CCSER1: variants seen among roughly 807,000 people sequenced by gnomAD.
CCSER1 encodes coiled-coil serine rich protein 1, also known as serine-rich coiled-coil domain-containing protein 1.
A neutral mutation model predicts 82.0 loss-of-function variants in CCSER1; 41 were observed. That is an observed-to-expected ratio of 0.50 (90% CI 0.39 to 0.65). The LOEUF is 0.65. Among genes scored for constraint, CCSER1 ranks in the 30% least tolerant of loss-of-function variants. CCSER1 has a pLI of 0.00. For missense variants in CCSER1, 1,119 were observed against 1,064.2 expected (o/e 1.05, Z -0.72); for synonymous variants, 414 against 383.9 (o/e 1.08, Z -0.92).
chr4:90,282,883 T>C lies in CCSER1; in HGVS notation c.-41-25361T>C, dbSNP rs896553197. Among the ~76,000 whole-genome samples the C allele has an allele frequency of 2.6e-5, 4 of 151,992 alleles. No homozygotes were observed. In the East Asian group the frequency reaches 7.7e-4, roughly 29 times the overall value. On this transcript the variant is annotated intron_variant, in intron 1 of 10. Transcript: ENST00000509176. The stretch of plus-strand genomic sequence containing the variant: ...TCTGTTCAATCTACTCTTAGATCCG[T>C]TTGATGCTGATGAGAGTTTTCTATC...
chr4:91,363,213 A>G (rs1024647010), intron 10 of CCSER1, among the ~76,000 whole-genome samples: 2 of 151,876 alleles, frequency 1.3e-5, no homozygotes, highest in South Asian at 2.1e-4. Context: ...TTCTAGCGTA[A>G]TGCTTTTGAG....
intron 5 of CCSER1, among the ~76,000 whole-genome samples, chr4:90,625,096 G>A (rs927464172): frequency 6.6e-6 from 1 of 152,152 alleles, no homozygotes; most frequent in Non-Finnish European, 1.5e-5. Flanking sequence ...GGCAGACAGA[G>A]TTATATATCC....
intron 10 of CCSER1, among the ~76,000 whole-genome samples, chr4:91,476,506 A>G (rs572412132): frequency 1.3e-5 from 2 of 151,874 alleles, no homozygotes; most frequent in African/African-American, 4.8e-5. Context: ...TCCCTACAAA[A>G]ATACCAATGA....
intron 10 of CCSER1, among the ~76,000 whole-genome samples, chr4:91,358,817 G>A (rs181903950): frequency 9.1e-4 from 138 of 152,172 alleles, no homozygotes; most frequent in African/African-American, 2.0e-3. Context: ...TTTCCTACCC[G>A]GGAGCGCTCT....
At chr4:91,488,724 T>A (rs1269739772) in intron 10 of CCSER1, among the ~76,000 whole-genome samples, 1 of 152,202 alleles carries the variant, frequency 6.6e-6, no homozygotes, top group Non-Finnish European at 1.5e-5. Flanking sequence ...ATGCTTCCTA[T>A]ACAGGCTGCA....
rs765599682 is a variant in CCSER1 at position 90,688,843 on chromosome 4, C to T, written c.1933-35071C>T. 9.9e-5 allele frequency among the ~76,000 whole-genome samples: 15 copies of T among 151,940 alleles called. 1 individual carries two copies. Among genetic ancestry groups the T allele is most frequent in the Admixed American group, 2.0e-4 (3 of 15,226 alleles). ...AAAAATCAATGGTGCTTTCAGATTC[C>T]GAGGCATCTCAGTATAAATACATAT... On this transcript the variant is annotated intron_variant, in intron 6 of 10. Coordinates refer to ENST00000509176, the MANE Select transcript of CCSER1 (RefSeq NM_001145065.2).
chr4:90,193,644 C>G (rs190371794), intron 1 of CCSER1, among the ~76,000 whole-genome samples: 1 of 151,608 alleles, frequency 6.6e-6, no homozygotes, highest in Admixed American at 6.6e-5. Flanking sequence ...GAGAAAGCCA[C>G]TTAACATTAT....
intron 10 of CCSER1, among the ~76,000 whole-genome samples, chr4:91,342,446 A>G (rs1747784785): frequency 6.6e-6 from 1 of 152,188 alleles, no homozygotes; most frequent in South Asian, 2.1e-4. Context: ...AGTCACAAAA[A>G]TATAAGGATT....
At chr4:91,284,682 T>C (rs1743142810) in intron 10 of CCSER1, among the ~76,000 whole-genome samples, 1 of 152,114 alleles carries the variant, frequency 6.6e-6, no homozygotes, top group South Asian at 2.1e-4. Flanking sequence ...TCATGGTTGT[T>C]TACCTCCATT....
intron 9 of CCSER1, among the ~76,000 whole-genome samples, chr4:91,031,923 A>C (rs1383588807): frequency 1.3e-5 from 2 of 152,042 alleles, no homozygotes; most frequent in Non-Finnish European, 1.5e-5. Flanking sequence ...TTTTTTCCTA[A>C]TATTTCCTAA....
At chr4:90,573,000 C>A (rs191259679) in intron 5 of CCSER1, among the ~76,000 whole-genome samples, 1 of 152,228 alleles carries the variant, frequency 6.6e-6, no homozygotes, top group Non-Finnish European at 1.5e-5. Context: ...ATATGTGGCA[C>A]TAGGGTGCAT....
chr4:91,232,853 A>T (rs1202738435), intron 10 of CCSER1, among the ~76,000 whole-genome samples: 3 of 151,814 alleles, frequency 2.0e-5, no homozygotes, highest in Non-Finnish European at 4.4e-5. Context: ...ATTGAGGTAA[A>T]ACTCTATTAC....
At chr4:90,353,916 T>C (rs1360575965) in intron 3 of CCSER1, among the ~76,000 whole-genome samples, 3 of 152,186 alleles carry the variant, frequency 2.0e-5, no homozygotes, top group East Asian at 1.9e-4. Flanking sequence ...TATGATCCAG[T>C]AATCCCTACT....
intron 10 of CCSER1, among the ~76,000 whole-genome samples, chr4:91,471,838 C>T (rs1321619324): frequency 6.6e-6 from 1 of 151,396 alleles, no homozygotes; most frequent in Non-Finnish European, 1.5e-5. Context: ...GGCATAGTGG[C>T]GGGCGCCTGT....
At chr4:91,020,661 C>CAA (rs553695061) in intron 9 of CCSER1, among the ~76,000 whole-genome samples, 2 of 132,758 alleles carry the variant, frequency 1.5e-5, no homozygotes, top group East Asian at 2.1e-4. Flanking sequence ...GACTCCGTCT[C>CAA]AAAAAAAAAA....
At chr4:90,445,237 TG>T (rs952175767) in intron 4 of CCSER1, among the ~76,000 whole-genome samples, 1 of 152,076 alleles carries the variant, frequency 6.6e-6, no homozygotes, top group Non-Finnish European at 1.5e-5. Context: ...ACCAAGAATC[TG>T]GAACTTCATG....
intron 10 of CCSER1, among the ~76,000 whole-genome samples, chr4:91,089,762 A>G (rs542933355): frequency 2.0e-5 from 3 of 152,298 alleles, no homozygotes; most frequent in Admixed American, 2.0e-4. Context: ...ATTTCCAAAC[A>G]TGGCCCCAGG....
At chr4:90,607,629 G>A (rs1171817987) in intron 5 of CCSER1, among the ~76,000 whole-genome samples, 1 of 152,044 alleles carries the variant, frequency 6.6e-6, no homozygotes, top group Non-Finnish European at 1.5e-5. Flanking sequence ...TGTAATACCA[G>A]TTATGTTCGA....
At chr4:91,484,638 A>G (rs1212409175) in intron 10 of CCSER1, among the ~76,000 whole-genome samples, 2 of 152,158 alleles carry the variant, frequency 1.3e-5, no homozygotes, top group Admixed American at 6.6e-5. Flanking sequence ...ACTATCTTCT[A>G]TTGGAAGACA....
Sources: gnomAD v4.1 joint callset for allele counts (sites outside exome capture counted in the v4.1 genomes callset) on GRCh38, gnomAD v4.1.1 for gene constraint, MANE v1.5 for transcripts, NCBI Gene and HGNC (gene_info 2026-07-23, HGNC 2026-07-21) for gene names.